The following NTN4 variants were observed in gnomAD, a reference collection of about 807,000 sequenced individuals.
The protein encoded by NTN4 is netrin 4, also known as netrin-4.
Under a neutral mutation model 73.6 loss-of-function variants are expected in NTN4, and 32 were observed. That is an observed-to-expected ratio of 0.44 (90% confidence interval 0.33 to 0.58). The LOEUF is 0.58. NTN4 is among the 20% of genes least tolerant of loss of function. The probability of loss-of-function intolerance (pLI) is 0.04; values close to 1 mark genes in which losing one functional copy is unlikely to be tolerated. For synonymous variants in NTN4, 258 were observed against 287.5 expected, an observed-to-expected ratio of 0.90 and a Z score of 1.04; for missense variants, 654 against 798.3, an observed-to-expected ratio of 0.82 and a Z score of 2.18.
chr12:95,752,180 A>G (rs897602893), intron 2 of NTN4, among the ~76,000 whole-genome samples: 5 of 151,824 alleles, frequency 3.3e-5, no homozygotes, highest in African/African-American at 9.7e-5. Flanking sequence ...CTTTAAAAAG[A>G]TTAAAGCCTG....
rs770008976 is a variant in NTN4 at position 95,787,062 on chromosome 12, C to G, written c.462G>C (p.Trp154Cys). The G allele has an allele frequency of 6.2e-7, 1 of 1,614,202 alleles. No homozygotes were observed. Among genetic ancestry groups the G allele is most frequent in the East Asian group, 2.2e-5 (1 of 44,886 alleles). Residue 154 changes from tryptophan (W) to cysteine (C), a missense_variant, in exon 2 of 10, where the codon TGG becomes TGC. Trp to Cys is a radical substitution (Grantham distance 215). Transcript: ENST00000343702. ...TAGTCGCAAAGTACTTATAAGGCTTCCATGTTTTCCCAAAGTCCTGGGAGC... is the reference window on the plus strand; with the variant it reads ...TAGTCGCAAAGTACTTATAAGGCTTGCATGTTTTCCCAAAGTCCTGGGAGC... ...LDRSQDFGKT[W>C]KPYKYFATNC...
chr12:95,775,502 T>C (rs2079085440), intron 2 of NTN4, among the ~76,000 whole-genome samples: 1 of 152,172 alleles, frequency 6.6e-6, no homozygotes, highest in African/African-American at 2.4e-5. Context: ...GCTTTTCCAA[T>C]GGTCTTAGCA....
At chr12:95,787,630 A>T (rs56954427) in intron 1 of NTN4, among the ~76,000 whole-genome samples, 162 bp from the exon 2 acceptor site, 3,418 of 152,308 alleles carry the variant, frequency 0.022, 137 homozygotes, top group African/African-American at 0.079. Flanking sequence ...TTTGAGCATG[A>T]ACACTGTTCT....
In NTN4 at chr12:95,790,343, G is replaced by C; in HGVS notation, c.-34C>G. ...GGAGCCGGGAGCAGCCGGGCCGGGC[G>C]GGTGCCGGAGGGAGCCGAGACCTCT... On this transcript the variant is annotated 5_prime_UTR_variant, in exon 1 of 10. Transcript: ENST00000343702. The surrounding 1 kb of genome is among the most constrained non-coding windows in gnomAD (Gnocchi z 6.5). The C allele has an allele frequency of 6.6e-7, 1 of 1,510,150 alleles. No individual in the cohort carries two copies. The highest frequency in any genetic ancestry group is 8.9e-7 in the Non-Finnish European group (1 of 1,128,382). The allele number at this position is 1,510,150 out of a possible 1,614,324, so 93.5% of individuals were successfully genotyped here.
At chr12:95,694,586 G>T (rs114448861) in intron 5 of NTN4, among the ~76,000 whole-genome samples, 1,823 of 152,264 alleles carry the variant, frequency 0.012, 40 homozygotes, top group African/African-American at 0.041. Context: ...TAGAAAAAAT[G>T]AGATCTTTTA....
intron 5 of NTN4, among the ~76,000 whole-genome samples, chr12:95,708,134 T>G (rs544489608): frequency 5.3e-5 from 8 of 152,146 alleles, no homozygotes; most frequent in Non-Finnish European, 1.2e-4. Context: ...GTAATTATCT[T>G]TAAATAAGGT....
At chr12:95,682,680 T>C (rs1385359629) in intron 7 of NTN4, 27 bp downstream of exon 7, 11 of 1,501,488 alleles carry the variant, frequency 7.3e-6, no homozygotes, top group Non-Finnish European at 1.0e-5. Context: ...GACCTGAAAA[T>C]ATGATGCCTG....
At chr12:95,752,542 G>GC (rs1473138379) in intron 2 of NTN4, among the ~76,000 whole-genome samples, 8 of 151,818 alleles carry the variant, frequency 5.3e-5, no homozygotes, top group African/African-American at 1.9e-4. Context: ...TTCACAGACA[G>GC]CCCCCATTAC....
At chr12:95,764,676 CAA>C (rs11326708) in intron 2 of NTN4, among the ~76,000 whole-genome samples, 112 of 98,824 alleles carry the variant, frequency 1.1e-3, no homozygotes, top group Admixed American at 1.4e-3. Context: ...CCGCCCCGAC[CAA>C]AAAAAAAAAA....
intron 5 of NTN4, among the ~76,000 whole-genome samples, chr12:95,694,672 T>C (rs7301446): frequency 0.31 from 47,170 of 151,950 alleles, 7,449 homozygotes; most frequent in African/African-American, 0.35. Flanking sequence ...TGAAAAGCTA[T>C]AAAAAAATAA....
At chr12:95,733,947 G>C (rs2078756850) in intron 3 of NTN4, among the ~76,000 whole-genome samples, 1 of 151,806 alleles carries the variant, frequency 6.6e-6, no homozygotes, top group Non-Finnish European at 1.5e-5. Flanking sequence ...GTGCATGCCT[G>C]TCATCCTAGC....
At chr12:95,739,757 C>T (rs1441580075) in intron 2 of NTN4, 3 of 152,204 alleles carry the variant, frequency 2.0e-5, no homozygotes, top group Admixed American at 2.0e-4. Context: ...TCTGTGGTGT[C>T]CTTCTCCTCG....
intron 3 of NTN4, among the ~76,000 whole-genome samples, chr12:95,715,424 C>A (rs1324632817): frequency 6.6e-6 from 1 of 151,916 alleles, no homozygotes; most frequent in Non-Finnish European, 1.5e-5. Context: ...TATAGAAATG[C>A]AACTAATACT....
At chr12:95,780,437 C>T (rs1426851848) in intron 2 of NTN4, among the ~76,000 whole-genome samples, 6 of 152,170 alleles carry the variant, frequency 3.9e-5, no homozygotes. Flanking sequence ...CTACAAAGAA[C>T]TCAAACAAAT....
Position 95,790,512 on chromosome 12 carries a change from G to A in NTN4, c.-203C>T. 2.4e-6 allele frequency: 1 copy of A among 420,964 alleles called. No homozygotes were observed. Among genetic ancestry groups the A allele is most frequent in the African/African-American group, 2.1e-5 (1 of 47,958 alleles). The allele number at this position is 420,964 out of a possible 1,614,324, so 26.1% of individuals were successfully genotyped here. The stretch of plus-strand genomic sequence containing the variant: ...CGCGCGGGGAGGTGGGGTGACCCTC[G>A]CGCACCGGCCTGGCGGGTCCCGGGC... On this transcript the variant is annotated 5_prime_UTR_variant, in exon 1 of 10. Coordinates refer to ENST00000343702, the MANE Select transcript of NTN4 (RefSeq NM_021229.4). This position sits in a 1 kb window ranked among gnomAD's most constrained non-coding sequence, Gnocchi z 6.5.
intron 3 of NTN4, among the ~76,000 whole-genome samples, chr12:95,713,693 G>A (rs566971259): frequency 2.0e-5 from 3 of 152,084 alleles, no homozygotes; most frequent in Non-Finnish European, 2.9e-5. Flanking sequence ...ATTCTAGAAA[G>A]TTTAGAAATC....
chr12:95,724,623 G>C (rs181797590), intron 3 of NTN4, among the ~76,000 whole-genome samples: 1 of 152,216 alleles, frequency 6.6e-6, no homozygotes, highest in Non-Finnish European at 1.5e-5. Context: ...TGCAAATATA[G>C]AGCAAAAGAT....
chr12:95,737,775 G>A, intron 3 of NTN4, 91 bp downstream of exon 3: 1 of 1,274,178 alleles, frequency 7.8e-7, no homozygotes, highest in South Asian at 1.5e-5. Context: ...GAAAAAATCA[G>A]CAGCACTATG....
At chr12:95,709,912 G>A (rs559595370) in intron 5 of NTN4, among the ~76,000 whole-genome samples, 2 of 152,274 alleles carry the variant, frequency 1.3e-5, no homozygotes, top group Admixed American at 1.3e-4. Flanking sequence ...TTGGGGGAGA[G>A]CATAAAATTA....
Sources: allele counts gnomAD v4.1 joint callset (sites outside exome capture counted in the v4.1 genomes callset), GRCh38; gene constraint gnomAD v4.1.1; non-coding constraint Gnocchi (gnomAD v3.1); transcripts MANE v1.5; gene names NCBI Gene and HGNC (gene_info 2026-07-23, HGNC 2026-07-21).